Variants in MAGI1 observed in about 807,000 individuals in gnomAD.
MAGI1 encodes the protein membrane-associated guanylate kinase, WW and PDZ domain-containing protein 1.
MAGI1 carries 58 observed loss-of-function variants against 139.9 expected under a neutral mutation model. That is an observed-to-expected ratio of 0.41 (90% CI 0.34 to 0.52). The LOEUF is 0.52. MAGI1 is among the 20% of genes least tolerant of loss of function. MAGI1 has a pLI of 0.12. For synonymous variants in MAGI1, 812 were observed against 737.9 expected (o/e 1.10, Z -1.63); for missense variants, 1,874 against 1,901.6 (o/e 0.99, Z 0.27).
chr3:65,356,453 G>T lies in MAGI1; in HGVS notation c.4314C>A (p.Ala1438=), dbSNP rs376367437. The T allele has an allele frequency of 6.2e-7, 1 of 1,611,696 alleles. No individual in the cohort carries two copies. The highest frequency in any genetic ancestry group is 1.1e-5 in the South Asian group (1 of 91,046). The stretch of plus-strand genomic sequence containing the variant: ...CCGGGGGATGTCTGGAACTTCTGCC[G>T]GCATCCTGTTTCAGATTCGCCTCTT... The part of the protein sequence containing the change: ...EREEANLKQD[A]GRSSRHPPEQ... The change falls in exon 23 of 23, where the codon GCC becomes GCA. Residue 1438 remains alanine, a synonymous_variant. Coordinates refer to ENST00000402939, the MANE Select transcript of MAGI1 (RefSeq NM_001033057.2).
At chr3:65,779,584 C>A (rs564215612) in intron 1 of MAGI1, among the ~76,000 whole-genome samples, 1 of 152,234 alleles carries the variant, frequency 6.6e-6, no homozygotes, top group Non-Finnish European at 1.5e-5. Context: ...AATCGCTTGA[C>A]AGATTTATCC....
At chr3:65,819,083 G>C (rs1265358487) in intron 1 of MAGI1, among the ~76,000 whole-genome samples, 1 of 152,050 alleles carries the variant, frequency 6.6e-6, no homozygotes, top group Admixed American at 6.6e-5. Context: ...TCAGGAGTTC[G>C]AGACCAGCTT....
At chr3:65,950,684 T>C (rs576688797) in intron 1 of MAGI1, among the ~76,000 whole-genome samples, 4 of 152,092 alleles carry the variant, frequency 2.6e-5, no homozygotes, top group African/African-American at 9.7e-5. Flanking sequence ...CTTCAACTGG[T>C]TGGAACGGAA....
chr3:65,848,376 T>C (rs932133726), intron 1 of MAGI1, among the ~76,000 whole-genome samples: 1 of 152,164 alleles, frequency 6.6e-6, no homozygotes, highest in Non-Finnish European at 1.5e-5. Context: ...GACATCGATA[T>C]CTGATGGCCT....
At chr3:65,998,796 G>A (rs2066591719) in intron 1 of MAGI1, among the ~76,000 whole-genome samples, 1 of 151,840 alleles carries the variant, frequency 6.6e-6, no homozygotes. Context: ...TTCATCTAAT[G>A]CAAAAAGCCT....
intron 1 of MAGI1, among the ~76,000 whole-genome samples, chr3:65,752,989 A>G (rs2036273213): frequency 6.6e-6 from 1 of 152,000 alleles, no homozygotes; most frequent in African/African-American, 2.4e-5. Context: ...TCCCTCCTCT[A>G]CTGTAATACC....
intron 15 of MAGI1, 41 bp from the exon 16 acceptor site, chr3:65,382,110 A>T: frequency 6.7e-7 from 1 of 1,482,592 alleles, no homozygotes; most frequent in East Asian, 2.3e-5. Context: ...TTGCTCTCCT[A>T]TGTTTACTGT....
chr3:65,637,556 A>AAAAGAAAAAGAAAG (rs1553684080), intron 1 of MAGI1, among the ~76,000 whole-genome samples: 7 of 127,978 alleles, frequency 5.5e-5, no homozygotes, highest in African/African-American at 2.2e-4. Flanking sequence ...TGTCTCCAAA[A>AAAAGAAAAAGAAAG]AAAGAAAGAA....
intron 2 of MAGI1, among the ~76,000 whole-genome samples, chr3:65,514,513 C>G (rs1317177150): frequency 6.6e-6 from 1 of 150,580 alleles, no homozygotes; most frequent in Non-Finnish European, 1.5e-5. Flanking sequence ...TGAACAGACA[C>G]TTCTCAAAAG....
At chr3:65,415,910 A>C (rs1946179954) in intron 12 of MAGI1, among the ~76,000 whole-genome samples, 1 of 152,106 alleles carries the variant, frequency 6.6e-6, no homozygotes, top group Non-Finnish European at 1.5e-5. Context: ...GTGAAAGTTG[A>C]TTTGCAGATG....
chr3:65,570,072 T>A (rs1449414343), intron 2 of MAGI1, among the ~76,000 whole-genome samples: 4 of 107,654 alleles, frequency 3.7e-5, no homozygotes, highest in Non-Finnish European at 7.5e-5. Flanking sequence ...TTCTTTATTA[T>A]CATTATTATT....
intron 1 of MAGI1, among the ~76,000 whole-genome samples, chr3:65,912,891 G>C (rs1319771595): frequency 6.6e-6 from 1 of 152,138 alleles, no homozygotes; most frequent in African/African-American, 2.4e-5. Flanking sequence ...AGGAAAACCA[G>C]ACACAGCACC....
chr3:65,493,003 A>G (rs576379471), intron 3 of MAGI1, among the ~76,000 whole-genome samples: 63 of 150,186 alleles, frequency 4.2e-4, no homozygotes, highest in African/African-American at 9.0e-4. Context: ...GCATGAACCC[A>G]GGAGGCAGAG....
At chr3:65,666,741 C>T (rs1250699084) in intron 1 of MAGI1, among the ~76,000 whole-genome samples, 2 of 152,190 alleles carry the variant, frequency 1.3e-5, no homozygotes, top group African/African-American at 4.8e-5. Flanking sequence ...ACCTCCCCCT[C>T]ATGGCCATCT....
intron 1 of MAGI1, among the ~76,000 whole-genome samples, chr3:65,663,865 C>CAGAT (rs2086345692): frequency 6.6e-6 from 1 of 152,154 alleles, no homozygotes; most frequent in African/African-American, 2.4e-5. Flanking sequence ...CAGACATTGC[C>CAGAT]AGATGTCCCC....
chr3:65,438,304 C>G (rs1012795866), intron 9 of MAGI1, among the ~76,000 whole-genome samples: 16 of 152,280 alleles, frequency 1.1e-4, no homozygotes, highest in African/African-American at 3.4e-4. Flanking sequence ...CATGTTCTCA[C>G]TTCTGAGTGG....
intron 2 of MAGI1, among the ~76,000 whole-genome samples, chr3:65,546,914 G>A: frequency 6.6e-6 from 1 of 152,140 alleles, no homozygotes; most frequent in East Asian, 1.9e-4. Context: ...TAGACCTTCT[G>A]GGCACTGTGT....
At chr3:65,740,239 A>G (rs528711655) in intron 1 of MAGI1, among the ~76,000 whole-genome samples, 4 of 152,310 alleles carry the variant, frequency 2.6e-5, no homozygotes, top group South Asian at 4.1e-4. Flanking sequence ...AAAACAATTT[A>G]CTGGACTGAT....
At chr3:65,458,150 A>T (rs773328401) in intron 5 of MAGI1, among the ~76,000 whole-genome samples, 8 of 152,088 alleles carry the variant, frequency 5.3e-5, no homozygotes, top group Non-Finnish European at 1.0e-4. Context: ...TTATGGCAGA[A>T]CAGTACTTCA....
Sources: gnomAD v4.1 joint callset for allele counts (sites outside exome capture counted in the v4.1 genomes callset) on GRCh38, gnomAD v4.1.1 for gene constraint, MANE v1.5 for transcripts, NCBI Gene and HGNC (gene_info 2026-07-23, HGNC 2026-07-21) for gene names.